Variants in EEFSEC observed in about 807,000 individuals in gnomAD.
EEFSEC encodes eukaryotic elongation factor, selenocysteine-tRNA specific.
A neutral mutation model predicts 42.1 loss-of-function variants in EEFSEC; 43 were observed. The ratio of observed to expected loss-of-function variants is 1.02; its 90% CI spans 0.80 to 1.32. The LOEUF (loss-of-function observed/expected upper bound fraction) is 1.32. EEFSEC is among the 40% of genes most tolerant of loss of function. The pLI, the probability that EEFSEC is intolerant of heterozygous loss-of-function variation, is 0.00. For missense variants in EEFSEC, 745 were observed against 803.6 expected (o/e 0.93, Z 0.88); for synonymous variants, 354 against 339.1 (o/e 1.04, Z -0.48).
chr3:128,347,645 T>A (rs2067328946), intron 5 of EEFSEC, among the ~76,000 whole-genome samples: 1 of 152,230 alleles, frequency 6.6e-6, no homozygotes, highest in Non-Finnish European at 1.5e-5. Flanking sequence ...TATCAGTCAT[T>A]ACACTAAATG....
chr3:128,321,304 C>T (rs2067005524), intron 4 of EEFSEC, among the ~76,000 whole-genome samples: 1 of 152,134 alleles, frequency 6.6e-6, no homozygotes, highest in Non-Finnish European at 1.5e-5. Context: ...TTTATAATTG[C>T]TCTCATGTGC....
chr3:128,338,266 G>A (rs571241208), intron 4 of EEFSEC, among the ~76,000 whole-genome samples: 4 of 152,302 alleles, frequency 2.6e-5, no homozygotes, highest in African/African-American at 9.6e-5. Flanking sequence ...AATGCTGTGC[G>A]CCAAATTCAA....
chr3:128,314,430 G>A (rs1044508543), intron 4 of EEFSEC, among the ~76,000 whole-genome samples: 6 of 151,996 alleles, frequency 3.9e-5, no homozygotes, highest in African/African-American at 9.7e-5. Context: ...TGCAACCTCC[G>A]CCTCCCAGGT....
chr3:128,294,891 T>C (rs1399024918), intron 4 of EEFSEC, among the ~76,000 whole-genome samples: 2 of 152,148 alleles, frequency 1.3e-5, no homozygotes, highest in East Asian at 3.9e-4. Context: ...ATACCTCCAA[T>C]GTGTGTTGCT....
intron 1 of EEFSEC, among the ~76,000 whole-genome samples, chr3:128,233,273 A>G (rs955620499): frequency 6.6e-6 from 1 of 152,216 alleles, no homozygotes; most frequent in African/African-American, 2.4e-5. Flanking sequence ...CGCAAATTTA[A>G]GAGTGTTGTA....
At chr3:128,287,968 C>CG (rs2066604359) in intron 4 of EEFSEC, among the ~76,000 whole-genome samples, 1 of 151,240 alleles carries the variant, frequency 6.6e-6, no homozygotes, top group South Asian at 2.1e-4. Context: ...CCCCGCCCCC[C>CG]CCAAAAAACT....
Position 128,391,288 on chromosome 3 carries a change from G to A in EEFSEC, c.1601-16781G>A, listed in dbSNP as rs376225359. 2.2e-4 allele frequency among the ~76,000 whole-genome samples: 33 copies of A among 152,328 alleles called. 1 individual carries two copies. The highest frequency in any genetic ancestry group is 1.7e-3 in the South Asian group (8 of 4,826). On this transcript the variant is annotated intron_variant, in intron 6 of 6. Transcript: ENST00000254730. ...TCATTAATTCCAAAAGGCAAGAAAC[G>A]AAATGGTCTCCCGCCCCAAGCTATG...
intron 6 of EEFSEC, among the ~76,000 whole-genome samples, chr3:128,392,995 C>G (rs917686396): frequency 1.3e-5 from 2 of 152,234 alleles, no homozygotes; most frequent in African/African-American, 2.4e-5. Context: ...CTGAGCCCAG[C>G]CTTGCTGTCA....
intron 4 of EEFSEC, among the ~76,000 whole-genome samples, chr3:128,268,543 A>C (rs1280551340): frequency 6.6e-6 from 1 of 152,152 alleles, no homozygotes; most frequent in African/African-American, 2.4e-5. Context: ...TTTTGGAATA[A>C]GGGTCTTGCA....
chr3:128,294,839 G>C (rs750682362), intron 4 of EEFSEC, among the ~76,000 whole-genome samples: 1 of 152,204 alleles, frequency 6.6e-6, no homozygotes. Context: ...TGACATTTTT[G>C]TTCGAATTAG....
intron 4 of EEFSEC, among the ~76,000 whole-genome samples, chr3:128,280,685 T>A (rs2066516426): frequency 2.6e-5 from 4 of 152,166 alleles, no homozygotes; most frequent in Admixed American, 2.6e-4. Context: ...CTCTGTACGG[T>A]CTTCCCTCTG....
At chr3:128,413,753 C>G in the EEFSEC span, among the ~76,000 whole-genome samples, 3 of 152,176 alleles carry the variant, frequency 2.0e-5, no homozygotes, top group African/African-American at 7.2e-5. Flanking sequence ...CAGGCCTCAC[C>G]CCCCAAGGTC....
chr3:128,356,603 T>C (rs2067457678), intron 5 of EEFSEC, among the ~76,000 whole-genome samples: 1 of 152,170 alleles, frequency 6.6e-6, no homozygotes. Flanking sequence ...TTAAATTCTA[T>C]TAACTTATTT....
At chr3:128,245,853 C>T (rs1472880294) in intron 1 of EEFSEC, among the ~76,000 whole-genome samples, 1 of 152,122 alleles carries the variant, frequency 6.6e-6, no homozygotes, top group South Asian at 2.1e-4. Flanking sequence ...TCCTCCATGC[C>T]TTCCCTCTAT....
intron 1 of EEFSEC, among the ~76,000 whole-genome samples, chr3:128,226,480 G>A (rs896609232): frequency 1.3e-5 from 2 of 152,114 alleles, no homozygotes; most frequent in Admixed American, 6.5e-5. Context: ...CAAAGATCCT[G>A]GGGAAGTGCA....
At chr3:128,386,618 T>C (rs998126740) in intron 6 of EEFSEC, among the ~76,000 whole-genome samples, 1 of 152,184 alleles carries the variant, frequency 6.6e-6, no homozygotes, top group South Asian at 2.1e-4. Flanking sequence ...GATAATTTAT[T>C]TAAAATAAAA....
intron 6 of EEFSEC, among the ~76,000 whole-genome samples, chr3:128,388,345 C>A (rs1474733641): frequency 6.6e-6 from 1 of 152,216 alleles, no homozygotes; most frequent in Non-Finnish European, 1.5e-5. Flanking sequence ...CCTGACACCC[C>A]TTCTCGGACC....
chr3:128,159,860 G>C (rs1453817989), intron 1 of EEFSEC, among the ~76,000 whole-genome samples: 2 of 152,156 alleles, frequency 1.3e-5, no homozygotes, highest in African/African-American at 2.4e-5. Flanking sequence ...TCATGTCCCT[G>C]TTTCATTGCC....
intron 1 of EEFSEC, among the ~76,000 whole-genome samples, chr3:128,182,500 C>T (rs990046378): frequency 6.6e-6 from 1 of 152,206 alleles, no homozygotes; most frequent in Non-Finnish European, 1.5e-5. Flanking sequence ...GCACTGCCAA[C>T]ACACATCATC....
Sources: allele counts gnomAD v4.1 joint callset (sites outside exome capture counted in the v4.1 genomes callset), GRCh38; gene constraint gnomAD v4.1.1; transcripts MANE v1.5; gene names NCBI Gene and HGNC (gene_info 2026-07-23, HGNC 2026-07-21).